PACSIN2: variants seen among roughly 807,000 people sequenced by gnomAD.
PACSIN2 encodes protein kinase C and casein kinase substrate in neurons protein 2.
Under a neutral mutation model 63.8 loss-of-function variants are expected in PACSIN2, and 25 were observed. The ratio of observed to expected loss-of-function variants is 0.39; its 90% CI spans 0.29 to 0.55. PACSIN2 has a LOEUF of 0.55. Among genes scored for constraint, PACSIN2 ranks in the 20% least tolerant of loss-of-function variants. The pLI is 0.62. For missense variants in PACSIN2, 518 were observed against 646.9 expected, an observed-to-expected ratio of 0.80 and a Z score of 2.16; for synonymous variants, 255 against 256.2, an observed-to-expected ratio of 1.00 and a Z score of 0.05.
At chr22:42,997,840 C>T (rs1923516171) in intron 1 of PACSIN2, among the ~76,000 whole-genome samples, 1 of 152,090 alleles carries the variant, frequency 6.6e-6, no homozygotes, top group Non-Finnish European at 1.5e-5. Context: ...GAGATCACAC[C>T]ACTGCACCCC....
chr22:42,920,985 G>A (rs1325600446), intron 1 of PACSIN2, among the ~76,000 whole-genome samples: 2 of 151,688 alleles, frequency 1.3e-5, no homozygotes, highest in African/African-American at 2.4e-5. Context: ...CAGTAGAGAC[G>A]GGGTTTCGTC....
intron 1 of PACSIN2, among the ~76,000 whole-genome samples, chr22:42,932,536 G>A (rs1441948415): frequency 6.6e-6 from 1 of 152,130 alleles, no homozygotes; most frequent in Non-Finnish European, 1.5e-5. Flanking sequence ...CAAGTGAAAT[G>A]GTGGGACAGT....
At chr22:42,887,342 G>T (rs957906217) in intron 5 of PACSIN2, among the ~76,000 whole-genome samples, 4 of 152,248 alleles carry the variant, frequency 2.6e-5, no homozygotes, top group African/African-American at 9.6e-5. Flanking sequence ...CTTGAGGTCA[G>T]AAGTTCCTGC....
In PACSIN2 at chr22:42,930,139, C is replaced by A. The variant is rs868465451; in HGVS notation, c.-77-17982G>T. Among the ~76,000 whole-genome samples, 4 of 152,352 alleles carry A rather than the reference C, an allele frequency of 2.6e-5. No individual in the cohort carries two copies. In the Middle Eastern group the frequency reaches 0.014, roughly 518 times the overall value. On this transcript the variant is annotated intron_variant, in intron 1 of 10. Transcript: ENST00000263246. ...GGTGACTTGGGAACAGAGCCATGCA[C>A]AAAACGAGACAGAGGAAGTCTAGGT...
rs12171016 is a variant in PACSIN2, at chr22:42,978,307, A to C, written c.-78+36714T>G. 6.5e-3 allele frequency among the ~76,000 whole-genome samples: 987 copies of C among 152,352 alleles called. 13 individuals carry two copies. The highest frequency in any genetic ancestry group is 0.023 in the African/African-American group (958 of 41,568). On this transcript the variant is annotated intron_variant, in intron 1 of 10. Transcript: ENST00000263246. ...TGTGGAAGGCTCTGCTACAACAAGC[A>C]GTCAACAGTTGATTACCACCTAGCT...
intron 1 of PACSIN2, among the ~76,000 whole-genome samples, chr22:43,009,863 C>CTTTTTTTTTTTTTTTTTTTTTTTTT (rs762256300): frequency 7.6e-6 from 1 of 131,814 alleles, no homozygotes; most frequent in Non-Finnish European, 1.6e-5. Context: ...TTTATTTTTT[C>CTTTTTTTTTTTTTTTTTTTTTTTTT]TATTTTTTTT....
chr22:42,875,594 G>A (rs558971125), intron 10 of PACSIN2, among the ~76,000 whole-genome samples: 1 of 151,878 alleles, frequency 6.6e-6, no homozygotes, highest in South Asian at 2.1e-4. Context: ...GGGGTACAGT[G>A]GTGTGACCTT....
chr22:42,957,796 GCTTGTCTGTT>G (rs1206930532), intron 1 of PACSIN2, among the ~76,000 whole-genome samples: 1 of 152,118 alleles, frequency 6.6e-6, no homozygotes, highest in Non-Finnish European at 1.5e-5. Context: ...AGAATTGAGT[GCTTGTCTGTT>G]TCTTGTATTA....
At chr22:42,943,062 A>C (rs74553162) in intron 1 of PACSIN2, among the ~76,000 whole-genome samples, 3,120 of 152,296 alleles carry the variant, frequency 0.02, 53 homozygotes, top group Non-Finnish European at 0.031. Flanking sequence ...GTCCTTTTAA[A>C]TTTATTTCAA....
At chr22:42,987,448 C>G (rs1000892882) in intron 1 of PACSIN2, among the ~76,000 whole-genome samples, 1 of 100,266 alleles carries the variant, frequency 1.0e-5, no homozygotes, top group African/African-American at 4.3e-5. Flanking sequence ...AGTCCAGGAG[C>G]AACACACACA....
intron 1 of PACSIN2, among the ~76,000 whole-genome samples, chr22:42,951,341 G>A (rs893762700): frequency 6.6e-6 from 1 of 152,098 alleles, no homozygotes; most frequent in East Asian, 1.9e-4. Context: ...GTGCACACCC[G>A]TGGTGCCCAG....
chr22:42,948,149 C>T (rs1487875222), intron 1 of PACSIN2, among the ~76,000 whole-genome samples: 1 of 152,130 alleles, frequency 6.6e-6, no homozygotes, highest in Non-Finnish European at 1.5e-5. Flanking sequence ...GAGTTAGAAA[C>T]CAGCCCAGTG....
At chr22:42,885,031 A>G (rs1342275678) in intron 5 of PACSIN2, among the ~76,000 whole-genome samples, 2 of 152,226 alleles carry the variant, frequency 1.3e-5, no homozygotes, top group African/African-American at 4.8e-5. Context: ...GATGGGGTGC[A>G]GGAAGAAGGC....
intron 1 of PACSIN2, among the ~76,000 whole-genome samples, chr22:42,951,115 C>T (rs1933671251): frequency 6.6e-6 from 1 of 152,122 alleles, no homozygotes; most frequent in Non-Finnish European, 1.5e-5. Flanking sequence ...TAAGAATACA[C>T]TGATTGAGTT....
chr22:42,900,242 G>A (rs150428858), intron 2 of PACSIN2, among the ~76,000 whole-genome samples: 140 of 152,236 alleles, frequency 9.2e-4, no homozygotes, highest in Middle Eastern at 6.8e-3. Flanking sequence ...CATGCCCTTC[G>A]GGTCACAGCT....
chr22:42,951,754 C>A (rs1323062995), intron 1 of PACSIN2, among the ~76,000 whole-genome samples: 1 of 152,350 alleles, frequency 6.6e-6, no homozygotes, highest in East Asian at 1.9e-4. Flanking sequence ...ATCTTGCCAA[C>A]AGCTATTGTC....
At chr22:42,912,215 G>A in intron 1 of PACSIN2, 58 bp from the exon 2 acceptor site, 1 of 607,370 alleles carries the variant, frequency 1.6e-6, no homozygotes, top group Middle Eastern at 3.4e-4. Context: ...AAAGAAACAA[G>A]TCATCTCTAT....
chr22:42,996,082 T>C (rs1923377885), intron 1 of PACSIN2, among the ~76,000 whole-genome samples: 1 of 150,948 alleles, frequency 6.6e-6, no homozygotes, highest in Admixed American at 6.6e-5. Context: ...TAGCTGGGCG[T>C]GGTGGTGGGC....
chr22:42,889,115 G>A (rs906746789), intron 4 of PACSIN2, among the ~76,000 whole-genome samples: 5 of 152,096 alleles, frequency 3.3e-5, no homozygotes, highest in African/African-American at 1.2e-4. Context: ...TCAATTAGAG[G>A]GCATTAAGTG....
Sources: allele counts gnomAD v4.1 joint callset (sites outside exome capture counted in the v4.1 genomes callset), GRCh38; gene constraint gnomAD v4.1.1; transcripts MANE v1.5; gene names NCBI Gene and HGNC (gene_info 2026-07-23, HGNC 2026-07-21).